CHAF1A: variants seen among roughly 807,000 people sequenced by gnomAD.
CHAF1A encodes CAF-1 subunit A.
CHAF1A carries 5 observed loss-of-function variants against 93.2 expected under a neutral mutation model. The ratio of observed to expected loss-of-function variants is 0.05; its 90% CI spans 0.03 to 0.11. The LOEUF is 0.11. CHAF1A is among the 10% of genes least tolerant of loss of function. The pLI, the probability that CHAF1A is intolerant of heterozygous loss-of-function variation, is 1.00. For synonymous variants in CHAF1A, 504 were observed against 510.3 expected (o/e 0.99, Z 0.17); for missense variants, 1,102 against 1,259.9 (o/e 0.87, Z 1.90).
Position 4,442,285 on chromosome 19 carries a change from A to C in CHAF1A, c.2714A>C (p.Glu905Ala), listed in dbSNP as rs751693252. ...ATGGACGGCTTCCAGGCAGACACGG[A>C]GGAGGAGGAAGAGGAGGAGGGCGAC... ...EDMDGFQADTEEEEEEEGDCM... is the reference protein window; with the variant it reads ...EDMDGFQADTAEEEEEEGDCM... The change falls in exon 14 of 15, where the codon GAG (glutamate) becomes GCG (alanine). Residue 905 changes from glutamate to alanine, a missense_variant. This residue lies in a region of CHAF1A where 119 missense variants were observed against 102.2 expected (regional missense o/e 1.16). Coordinates refer to ENST00000301280, the MANE Select transcript of CHAF1A (RefSeq NM_005483.3). 1.9e-6 allele frequency: 3 copies of C among 1,613,226 alleles called. No homozygotes were observed. The South Asian group carries it at 3.3e-5, about 18-fold the overall frequency.
Position 4,433,465 on chromosome 19 carries a change from A to G in CHAF1A, c.2599A>G (p.Ile867Val), listed in dbSNP as rs2145134639. ...CACGGGGCCCAGCCAGGGCACTCCC[A>G]TCTCGCTGAAGAGGAAGTCAGCGGG... ...PSTGPSQGTPISLKRKSAGSM... is the reference protein window; with the variant it reads ...PSTGPSQGTPVSLKRKSAGSM... Residue 867 changes from isoleucine (I) to valine (V), a missense_variant, in exon 13 of 15, where the codon ATC becomes GTC. Ile to Val is a conservative substitution (Grantham distance 29). This residue lies in a region of CHAF1A where 76 missense variants were observed against 129.8 expected (regional missense o/e 0.59). Transcript: ENST00000301280. The surrounding 1 kb of genome is among the most constrained non-coding windows in gnomAD (Gnocchi z 5.6). The G allele has an allele frequency of 6.2e-7, 1 of 1,601,252 alleles. No homozygotes were observed. Among genetic ancestry groups the G allele is most frequent in the Non-Finnish European group, 8.5e-7 (1 of 1,169,658 alleles).
At chr19:4,442,827 G>A in intron 14 of CHAF1A, 98 bp from the exon 15 acceptor site, 1 of 845,378 alleles carries the variant, frequency 1.2e-6, no homozygotes, top group Non-Finnish European at 1.8e-6. Context: ...TCCCGCCCTG[G>A]GGTTGTTGCA....
chr19:4,441,122 A>G (rs979503840), intron 13 of CHAF1A, among the ~76,000 whole-genome samples: 9 of 152,116 alleles, frequency 5.9e-5, no homozygotes, highest in African/African-American at 2.2e-4. Flanking sequence ...GTTCGAGACC[A>G]GCCTGGCAAC....
In CHAF1A at chr19:4,416,660, C is replaced by A. The variant is rs549005770; in HGVS notation, c.961-1360C>A. ...ATTCCTAGCACTTTGGGAGGCGAGGCGGGTGGATCACCTGAGGTCAGGAGT... is the reference window on the plus strand; with the variant it reads ...ATTCCTAGCACTTTGGGAGGCGAGGAGGGTGGATCACCTGAGGTCAGGAGT... On this transcript the variant is annotated intron_variant, in intron 3 of 14. Transcript: ENST00000301280. 1.9e-4 allele frequency among the ~76,000 whole-genome samples: 29 copies of A among 152,118 alleles called. No homozygotes were observed. The Middle Eastern group carries it at 0.01, about 54-fold the overall frequency.
At position 4,441,469 on chromosome 19, in the gene CHAF1A, G is replaced by A. The variant is rs1415712336; in HGVS notation, c.2674-776G>A. ...CTAAAAATACAAAAATTAGCTGGGC[G>A]TGATGGCATACACCTGTAATCCCAG... On this transcript the variant is annotated intron_variant, in intron 13 of 14. Transcript: ENST00000301280. Among the ~76,000 whole-genome samples, 11 of 152,000 alleles carry A rather than the reference G, an allele frequency of 7.2e-5. No individual in the cohort carries two copies. The East Asian group carries it at 1.7e-3, about 24-fold the overall frequency.
chr19:4,445,216 G>C (rs566685419), downstream of CHAF1A: 2 of 409,820 alleles, frequency 4.9e-6, no homozygotes, highest in Admixed American at 3.9e-5. Flanking sequence ...GTGTCTGTCC[G>C]GCAGCTTCAT....
At chr19:4,431,483 C>T (rs1431359466) in intron 11 of CHAF1A, among the ~76,000 whole-genome samples, 7 of 151,988 alleles carry the variant, frequency 4.6e-5, no homozygotes, top group Admixed American at 6.6e-5. Context: ...GAAGGCCTGT[C>T]GTTTGGGAAG....
At chr19:4,418,405 G>A (rs915091897) in intron 4 of CHAF1A, among the ~76,000 whole-genome samples, 1 of 117,380 alleles carries the variant, frequency 8.5e-6, no homozygotes, top group Non-Finnish European at 1.7e-5. Context: ...TTGTAGTCCT[G>A]TCTCTTTTTT....
chr19:4,443,785 C>T (rs891534295), downstream of CHAF1A, among the ~76,000 whole-genome samples: 18 of 152,150 alleles, frequency 1.2e-4, no homozygotes, highest in African/African-American at 2.4e-4. Flanking sequence ...ACCTCCTCCC[C>T]GCCCCAGGTT....
At chr19:4,436,270 C>G (rs893236586) in intron 13 of CHAF1A, among the ~76,000 whole-genome samples, 3 of 152,208 alleles carry the variant, frequency 2.0e-5, no homozygotes, top group African/African-American at 7.2e-5. Flanking sequence ...GTGAATCTCC[C>G]TCAGCTGTCA....
At chr19:4,420,532 C>T (rs1405389790) in intron 4 of CHAF1A, among the ~76,000 whole-genome samples, 2 of 152,164 alleles carry the variant, frequency 1.3e-5, no homozygotes, top group Non-Finnish European at 2.9e-5. Flanking sequence ...TGGGAGCCTG[C>T]GCCTGGCTGA....
At position 4,423,846 on chromosome 19, in the gene CHAF1A, A is replaced by G. The variant is rs778220804; in HGVS notation, c.1349A>G (p.Gln450Arg). 1.2e-6 allele frequency: 2 copies of G among 1,614,154 alleles called. No individual in the cohort carries two copies. The highest frequency in any genetic ancestry group is 1.7e-6 in the Non-Finnish European group (2 of 1,179,978). ...AAGGCCGAAATCACGAGGTTCTTCC[A>G]GAAACCAAAGACTCCACAGGCCCCC... ...AEKAEITRFF[Q>R]KPKTPQAPKT... Residue 450 changes from glutamine (Q) to arginine (R), a missense_variant, in exon 7 of 15, where the codon CAG (glutamine) becomes CGG (arginine). By Grantham distance (43) the Gln-to-Arg change is conservative. Coordinates refer to ENST00000301280, the MANE Select transcript of CHAF1A (RefSeq NM_005483.3).
Position 4,402,757 on chromosome 19 carries a change from G to A in CHAF1A, c.-6G>A, listed in dbSNP as rs1973605945. The stretch of plus-strand genomic sequence containing the variant: ...CCTGAGAGGAGGTCGAGCTGCCGCC[G>A]GGGCGATGCTGGAGGAGCTGGAGTG... On this transcript the variant is annotated 5_prime_UTR_variant, in exon 1 of 15. Transcript: ENST00000301280. The A allele has an allele frequency of 2.5e-6, 3 of 1,203,076 alleles. No homozygotes were observed. The highest frequency in any genetic ancestry group is 1.6e-5 in the African/African-American group (1 of 63,238). 74.5% of individuals were successfully genotyped at this position (1,203,076 alleles called of 1,614,324 possible).
At chr19:4,441,044 G>A (rs887088581) in intron 13 of CHAF1A, among the ~76,000 whole-genome samples, 1 of 151,628 alleles carries the variant, frequency 6.6e-6, no homozygotes, top group Non-Finnish European at 1.5e-5. Flanking sequence ...TGCGGCTGGG[G>A]CAGTGGCTCA....
chr19:4,435,578 C>G lies in CHAF1A; in HGVS notation c.2673+2039C>G, dbSNP rs752448450. 5.9e-4 allele frequency among the ~76,000 whole-genome samples: 90 copies of G among 152,150 alleles called. 1 individual carries two copies. The highest frequency in any genetic ancestry group is 9.8e-4 in the Non-Finnish European group (67 of 68,046). ...AGAAACAGGGTTTCACCATGTTGCC[C>G]AGGCTGGTCCCCAACTCCTGGGCTT... On this transcript the variant is annotated intron_variant, in intron 13 of 14. Coordinates refer to ENST00000301280, the MANE Select transcript of CHAF1A (RefSeq NM_005483.3).
intron 3 of CHAF1A, among the ~76,000 whole-genome samples, chr19:4,411,699 GGGCAAT>G (rs1274646115): frequency 8.0e-6 from 1 of 125,374 alleles, no homozygotes; most frequent in Non-Finnish European, 1.6e-5. Flanking sequence ...CCAGGCTGGA[GGGCAAT>G]GGCATGGTCT....
chr19:4,446,345 C>A, downstream of CHAF1A: 1 of 1,570,118 alleles, frequency 6.4e-7, no homozygotes, highest in Non-Finnish European at 8.6e-7. Context: ...CTTGCGCAGC[C>A]CCCGCTGCTC....
chr19:4,403,717 C>G (rs937244640), intron 1 of CHAF1A, among the ~76,000 whole-genome samples: 2 of 152,254 alleles, frequency 1.3e-5, no homozygotes, highest in Admixed American at 6.5e-5. Context: ...CCCTGTGTCC[C>G]CTATGGGGCA....
chr19:4,422,419 A>T lies in CHAF1A; in HGVS notation c.1018-147A>T, dbSNP rs542162769. The T allele has an allele frequency of 1.5e-6, 1 of 684,816 alleles. No homozygotes were observed. The highest frequency in any genetic ancestry group is 2.5e-6 in the Non-Finnish European group (1 of 405,152). 42.4% of individuals were successfully genotyped at this position (684,816 alleles called of 1,614,324 possible). On this transcript the variant is annotated intron_variant, in intron 4 of 14. Transcript: ENST00000301280. The surrounding 1 kb of genome is among the most constrained non-coding windows in gnomAD (Gnocchi z 4.6). Reference sequence around the variant, plus strand: ...CCACCTCAGCCTCCCAAAGTGCTGGAATTACAGGCGTGAGCCACCATGCCT... The same window carrying T: ...CCACCTCAGCCTCCCAAAGTGCTGGTATTACAGGCGTGAGCCACCATGCCT...
Sources: gnomAD v4.1 joint callset for allele counts (sites outside exome capture counted in the v4.1 genomes callset) on GRCh38, gnomAD v4.1.1 for gene constraint, gnomAD v4.1.1 regional missense constraint, Gnocchi (gnomAD v3.1) non-coding constraint, MANE v1.5 for transcripts, NCBI Gene and HGNC (gene_info 2026-07-23, HGNC 2026-07-21) for gene names.